Variants in IGF2BP1 observed in about 807,000 individuals in gnomAD.
IGF2BP1 encodes the protein insulin-like growth factor 2 mRNA-binding protein 1.
In IGF2BP1, 11 loss-of-function variants were observed where a neutral mutation model predicts 74.9. The observed-to-expected ratio is 0.15, with a 90% confidence interval of 0.09 to 0.24. The LOEUF (loss-of-function observed/expected upper bound fraction) is 0.24, where lower values mean the gene tolerates loss of function less well. IGF2BP1 is among the 10% of genes least tolerant of loss of function. The pLI, the probability that IGF2BP1 is intolerant of heterozygous loss-of-function variation, is 1.00. For missense variants in IGF2BP1, 440 were observed against 757.4 expected, an observed-to-expected ratio of 0.58 and a Z score of 4.92; for synonymous variants, 287 against 281.8, an observed-to-expected ratio of 1.02 and a Z score of -0.18.
chr17:49,055,417 G>A lies in IGF2BP1; in HGVS notation c.*5973G>A. Reference sequence around the variant, plus strand: ...CTCCCTTCTCCCCTCCCAGCCAGCTGACTTCAGTCACCCCTGTCCCCCCTC... The same window carrying A: ...CTCCCTTCTCCCCTCCCAGCCAGCTAACTTCAGTCACCCCTGTCCCCCCTC... On this transcript the variant is annotated 3_prime_UTR_variant, in exon 15 of 15. Transcript: ENST00000290341. 1 of 372,888 alleles carries A rather than the reference G, an allele frequency of 2.7e-6. No homozygotes were observed. The highest frequency in any genetic ancestry group is 4.8e-6 in the Non-Finnish European group (1 of 210,446). 23.1% of individuals were successfully genotyped at this position (372,888 alleles called of 1,614,324 possible). A position where few individuals can be genotyped will look rare whatever the true frequency, so the allele number is the denominator to read the frequency against.
At chr17:49,019,945 TATATTTATATACAC>T (rs1480479456) in intron 2 of IGF2BP1, among the ~76,000 whole-genome samples, 890 of 44,158 alleles carry the variant, frequency 0.02, 41 homozygotes, top group African/African-American at 0.09. Context: ...TATATATATA[TATATTTATATACAC>T]ACACACACAC....
At chr17:49,034,116 T>C (rs761445641) in intron 5 of IGF2BP1, among the ~76,000 whole-genome samples, 2,218 of 104,408 alleles carry the variant, frequency 0.021, 26 homozygotes, top group Admixed American at 0.074. Flanking sequence ...GATTTGCCCC[T>C]TTTTTTTTTT....
Position 49,055,035 on chromosome 17 carries a change from TA to T in IGF2BP1, c.*5594del, listed in dbSNP as rs1353802848. On this transcript the variant is annotated 3_prime_UTR_variant, in exon 15 of 15. Transcript: ENST00000290341. ...ATCTACCTCTTAGCAAAACAATAGA[TA>T]AATTAGGTAGTGGCAGCTCCACTTG... The T allele has an allele frequency of 4.5e-5, 6 of 134,180 alleles. No homozygotes were observed. Among genetic ancestry groups the T allele is most frequent in the South Asian group, 2.3e-4 (1 of 4,312 alleles). The allele number at this position is 134,180 out of a possible 1,614,324, so 8.3% of individuals were successfully genotyped here.
rs1001117287 is a variant in IGF2BP1 at position 49,056,032 on chromosome 17, T to C, written c.*6588T>C. On this transcript the variant is annotated 3_prime_UTR_variant, in exon 15 of 15. Transcript: ENST00000290341. ...GGCTCACACGTTGGAGTTTGTTCTTTGATGGATGAACGAACACTCCAGTTT... is the reference window on the plus strand; with the variant it reads ...GGCTCACACGTTGGAGTTTGTTCTTCGATGGATGAACGAACACTCCAGTTT... Among the ~76,000 whole-genome samples, 1 of 152,024 alleles carries C rather than the reference T, an allele frequency of 6.6e-6. No individual in the cohort carries two copies. The highest frequency in any genetic ancestry group is 1.9e-4 in the East Asian group (1 of 5,184).
chr17:49,053,247 C>G lies in IGF2BP1; in HGVS notation c.*3803C>G, dbSNP rs191243757. On this transcript the variant is annotated 3_prime_UTR_variant, in exon 15 of 15. Coordinates refer to ENST00000290341, the MANE Select transcript of IGF2BP1 (RefSeq NM_006546.4). ...CCAGAGAACACTGGAGGGGGATGCT[C>G]TAGTTGGTTCTGTGTCCATTTTCCT... 1.3e-5 allele frequency: 2 copies of G among 152,756 alleles called. No homozygotes were observed. Among genetic ancestry groups the G allele is most frequent in the East Asian group, 3.9e-4 (2 of 5,180 alleles). The allele number at this position is 152,756 out of a possible 1,614,324, so 9.5% of individuals were successfully genotyped here. A position where few individuals can be genotyped will look rare whatever the true frequency, so the allele number is the denominator to read the frequency against.
At chr17:49,007,695 G>GA (rs1221949786) in intron 2 of IGF2BP1, among the ~76,000 whole-genome samples, 1 of 152,348 alleles carries the variant, frequency 6.6e-6, no homozygotes, top group Admixed American at 6.5e-5. Context: ...CTGAGGAAGA[G>GA]AAAATGAGGG....
At position 49,050,790 on chromosome 17, in the gene IGF2BP1, A is replaced by G. The variant is rs1050722243; in HGVS notation, c.*1346A>G. ...TTAATTTATTAATTTACCAGGCTTA[A>G]TTAAGATCCCATGGAGTGTTTAGCC... On this transcript the variant is annotated 3_prime_UTR_variant, in exon 15 of 15. Coordinates refer to ENST00000290341, the MANE Select transcript of IGF2BP1 (RefSeq NM_006546.4). The G allele has an allele frequency of 6.6e-6, 1 of 152,640 alleles. No individual in the cohort carries two copies. Among genetic ancestry groups the G allele is most frequent in the African/African-American group, 2.4e-5 (1 of 41,458 alleles). 9.5% of individuals were successfully genotyped at this position (152,640 alleles called of 1,614,324 possible). A position where few individuals can be genotyped will look rare whatever the true frequency, so the allele number is the denominator to read the frequency against.
chr17:49,029,177 T>C (rs1291346579), intron 4 of IGF2BP1, among the ~76,000 whole-genome samples: 1 of 152,242 alleles, frequency 6.6e-6, no homozygotes, highest in Admixed American at 6.5e-5. Context: ...TTTATTATGC[T>C]TATTGTTATC....
chr17:49,038,572 G>A, intron 6 of IGF2BP1, 123 bp downstream of exon 6: 3 of 1,007,608 alleles, frequency 3.0e-6, no homozygotes, highest in Non-Finnish European at 4.0e-6. Flanking sequence ...GTTGCCTGGA[G>A]CATTCAGGGG....
intron 2 of IGF2BP1, among the ~76,000 whole-genome samples, chr17:49,005,922 TGTG>T (rs2041546999): frequency 6.6e-6 from 1 of 151,802 alleles, no homozygotes; most frequent in South Asian, 2.1e-4. Context: ...ATTAGCCAGG[TGTG>T]GTGGTGCATG....
At chr17:49,016,821 C>CCCCGCCTGTCCT (rs1212848319) in intron 2 of IGF2BP1, among the ~76,000 whole-genome samples, 1 of 140,490 alleles carries the variant, frequency 7.1e-6, no homozygotes, top group South Asian at 2.5e-4. Context: ...CCTCCTGCCC[C>CCCCGCCTGTCCT]CCCGCCTGTC....
intron 2 of IGF2BP1, among the ~76,000 whole-genome samples, chr17:49,018,512 G>C (rs537385548): frequency 6.6e-6 from 1 of 152,134 alleles, no homozygotes; most frequent in South Asian, 2.1e-4. Context: ...GTGTTAGGTG[G>C]GGATGGGGGT....
At chr17:49,001,679 A>T (rs1016285289) in intron 2 of IGF2BP1, among the ~76,000 whole-genome samples, 2 of 152,194 alleles carry the variant, frequency 1.3e-5, no homozygotes, top group Admixed American at 6.5e-5. Context: ...CACCATCTCA[A>T]ACCCCCTTAG....
At chr17:49,004,686 G>A (rs1368876936) in intron 2 of IGF2BP1, 1 of 152,166 alleles carries the variant, frequency 6.6e-6, no homozygotes, top group Admixed American at 6.5e-5. Context: ...TTGTAAAAGA[G>A]AGACAACAGG....
intron 2 of IGF2BP1, among the ~76,000 whole-genome samples, chr17:49,020,728 A>G (rs1020305654): frequency 6.6e-6 from 1 of 152,216 alleles, no homozygotes; most frequent in African/African-American, 2.4e-5. Context: ...CATCCCACCT[A>G]TAATTCTTTA....
In IGF2BP1 at chr17:48,997,912, C is replaced by T. The variant is rs1245156730; in HGVS notation, c.167C>T (p.Thr56Ile). The change falls in exon 1 of 15, where the codon ACT becomes ATT. Residue 56 changes from threonine (T) to isoleucine (I), a missense_variant. Physicochemically the swap from Thr to Ile is moderately conservative, Grantham distance 89. This residue lies in a region of IGF2BP1 where 105 missense variants were observed against 199.4 expected (regional missense o/e 0.53). Transcript: ENST00000290341. This position sits in a 1 kb window ranked among gnomAD's most constrained non-coding sequence, Gnocchi z 4.8. ...CACTGGGCGATGAAGGCCATCGAAA[C>T]TTTCTCCGGTAAGAACACAGCCACC... ...DEHWAMKAIE[T>I]FSGKVELQGK... The T allele has an allele frequency of 6.2e-7, 1 of 1,613,860 alleles. No individual in the cohort carries two copies. The highest frequency in any genetic ancestry group is 1.7e-5 in the Admixed American group (1 of 59,958).
chr17:49,026,692 C>G (rs977996472), intron 4 of IGF2BP1, among the ~76,000 whole-genome samples, 175 bp downstream of exon 4: 9 of 145,094 alleles, frequency 6.2e-5, no homozygotes, highest in African/African-American at 2.0e-4. Flanking sequence ...TTCCTGCCTT[C>G]CTGCCTTCCT....
At chr17:49,044,227 G>T in intron 11 of IGF2BP1, 141 bp downstream of exon 11, 1 of 1,253,924 alleles carries the variant, frequency 8.0e-7, no homozygotes, top group Middle Eastern at 2.0e-4. Flanking sequence ...TGGAATCGAA[G>T]TCCTCTTTGT....
At chr17:49,022,776 C>G (rs530123808) in intron 2 of IGF2BP1, among the ~76,000 whole-genome samples, 1 of 152,156 alleles carries the variant, frequency 6.6e-6, no homozygotes, top group South Asian at 2.1e-4. Flanking sequence ...GTTTGAAGTG[C>G]GAGGGAATTT....
Sources: gnomAD v4.1 joint callset for allele counts (sites outside exome capture counted in the v4.1 genomes callset) on GRCh38, gnomAD v4.1.1 for gene constraint, gnomAD v4.1.1 regional missense constraint, Gnocchi (gnomAD v3.1) non-coding constraint, MANE v1.5 for transcripts, NCBI Gene and HGNC (gene_info 2026-07-23, HGNC 2026-07-21) for gene names.